Variants in MRE11 observed in about 807,000 individuals in gnomAD.
MRE11 encodes double-strand break repair protein MRE11.
In MRE11, 62 loss-of-function variants were observed where a neutral mutation model predicts 91.7. The ratio of observed to expected loss-of-function variants is 0.68; its 90% CI spans 0.55 to 0.84. The LOEUF (loss-of-function observed/expected upper bound fraction) is 0.84. Among genes scored for constraint, MRE11 ranks in the 40% least tolerant of loss-of-function variants. The probability of loss-of-function intolerance (pLI) is 0.00; values close to 1 mark genes in which losing one functional copy is unlikely to be tolerated. For missense variants in MRE11, 796 were observed against 852.9 expected (o/e 0.93, Z 0.83); for synonymous variants, 273 against 271.4 (o/e 1.01, Z -0.06).
chr11:94,461,137 G>T lies in MRE11; in HGVS notation c.1226-101C>A, dbSNP rs529126. The T allele has an allele frequency of 0.28, 259,761 of 919,524 alleles. 36,382 individuals are homozygous for T. Among genetic ancestry groups the T allele is most frequent in the African/African-American group, 0.36 (21,650 of 60,092 alleles). 57.0% of individuals were successfully genotyped at this position (919,524 alleles called of 1,614,324 possible). A position where few individuals can be genotyped will look rare whatever the true frequency, so the allele number is the denominator to read the frequency against. On this transcript the variant is annotated intron_variant, in intron 11 of 19. Transcript: ENST00000323929. ...GTGGAGAAGGTAAGGCCAAACTTTA[G>T]CAACTGCCAGCTTGCTCAACATGGT...
At position 94,493,800 on chromosome 11, in the gene MRE11, C is replaced by T. The variant is rs1327306422; in HGVS notation, c.-115G>A. On this transcript the variant is annotated 5_prime_UTR_variant, in exon 1 of 20. Coordinates refer to ENST00000323929, the MANE Select transcript of MRE11 (RefSeq NM_005591.4). ...CACGGTCTGAACTTGCCTCTGAGAA[C>T]CCGCAGGGCCGTAAACCTGAATTCC... 6.6e-6 allele frequency: 1 copy of T among 152,250 alleles called. No individual in the cohort carries two copies. Among genetic ancestry groups the T allele is most frequent in the Admixed American group, 6.5e-5 (1 of 15,290 alleles). The allele number at this position is 152,250 out of a possible 1,614,324, so 9.4% of individuals were successfully genotyped here. A position where few individuals can be genotyped will look rare whatever the true frequency, so the allele number is the denominator to read the frequency against.
chr11:94,447,302 T>G lies in MRE11; in HGVS notation c.1700A>C (p.Asn567Thr). 2 of 1,614,088 alleles carry G rather than the reference T, an allele frequency of 1.2e-6. No homozygotes were observed. Among genetic ancestry groups the G allele is most frequent in the South Asian group, 2.2e-5 (2 of 91,078 alleles). Residue 567 changes from asparagine (N) to threonine (T), a missense_variant, in exon 15 of 20, where the codon AAC becomes ACC. Transcript: ENST00000323929. ...DSDDSISAAT[N>T]KGRGRGRGRR... ...ACCTCTTCCTCGGCCTCTTCCTTTG[T>G]TGGTTGCTGCTGAGATGCTATCATC...
At chr11:94,499,022 T>C in the MRE11 span, 2 of 154,974 alleles carry the variant, frequency 1.3e-5, no homozygotes, top group South Asian at 2.0e-4. Context: ...AAGTAACATA[T>C]TAGTGACTTG....
intron 18 of MRE11, 151 bp downstream of exon 18, chr11:94,435,681 C>T (rs1945586894): frequency 3.0e-6 from 2 of 668,170 alleles, no homozygotes; most frequent in Admixed American, 4.7e-5. Flanking sequence ...TATAAACTAG[C>T]CCTTGGTCTG....
chr11:94,467,827 G>A lies in MRE11; in HGVS notation c.1084C>T (p.Leu362Phe). 1 of 1,612,996 alleles carries A rather than the reference G, an allele frequency of 6.2e-7. No homozygotes were observed. Among genetic ancestry groups the A allele is most frequent in the Non-Finnish European group, 8.5e-7 (1 of 1,179,238 alleles). Residue 362 changes from leucine (L) to phenylalanine (F), a missense_variant, in exon 10 of 20, where the codon CTT (leucine) becomes TTT (phenylalanine). Leu to Phe is a conservative substitution (Grantham distance 22). Transcript: ENST00000323929. Reference protein sequence around the residue: ...LGNSHQPEKPLVRLRVDYSGG... With the variant: ...LGNSHQPEKPFVRLRVDYSGG... ...ATAGGACTTACTCGCAGTCGTACAA[G>A]AGGCTTCTCTGGCTGGTGAGAATTA...
rs141681107 is a variant in MRE11, at chr11:94,427,739, A to C, written c.2070+2172T>G. Among the ~76,000 whole-genome samples the C allele has an allele frequency of 2.9e-3, 448 of 152,274 alleles. 4 individuals are homozygous for C. Among genetic ancestry groups the C allele is most frequent in the African/African-American group, 0.01 (426 of 41,558 alleles). ...ACAAAAGTCAGTAGCATTTCTATAC[A>C]CCAATAACGTTCAAGCTGAGAGTCA... On this transcript the variant is annotated intron_variant, in intron 19 of 19. Transcript: ENST00000323929.
At chr11:94,431,842 GCAGA>G (rs1269255820) in intron 18 of MRE11, among the ~76,000 whole-genome samples, 9 of 152,120 alleles carry the variant, frequency 5.9e-5, no homozygotes, top group Admixed American at 5.2e-4. Flanking sequence ...AAAGAAATCG[GCAGA>G]CATTTATACA....
At chr11:94,502,993 A>G in the MRE11 span, among the ~76,000 whole-genome samples, 2 of 152,234 alleles carry the variant, frequency 1.3e-5, no homozygotes, top group African/African-American at 4.8e-5. Context: ...TATTAATTAT[A>G]TTCCCCTTCC....
upstream of MRE11, chr11:94,497,151 TA>T (rs1381164830): frequency 1.5e-6 from 1 of 649,398 alleles, no homozygotes; most frequent in Non-Finnish European, 2.6e-6. Context: ...TAATTATCTA[TA>T]AAGATAGCAA....
chr11:94,452,850 T>C (rs1293731768), intron 14 of MRE11, among the ~76,000 whole-genome samples: 1 of 152,198 alleles, frequency 6.6e-6, no homozygotes, highest in Non-Finnish European at 1.5e-5. Flanking sequence ...AACATAAACT[T>C]ACTCTTTTTA....
chr11:94,421,055 T>C (rs918575942), intron 19 of MRE11, among the ~76,000 whole-genome samples: 1 of 151,728 alleles, frequency 6.6e-6, no homozygotes, highest in African/African-American at 2.4e-5. Flanking sequence ...AGAGTTCCCA[T>C]GCTATTGGGC....
At chr11:94,437,474 T>C (rs1362190553) in intron 16 of MRE11, among the ~76,000 whole-genome samples, 1 of 152,208 alleles carries the variant, frequency 6.6e-6, no homozygotes, top group Non-Finnish European at 1.5e-5. Flanking sequence ...GTAGTGTTTA[T>C]AAATACACAC....
Position 94,435,917 on chromosome 11 carries a change from C to T in MRE11, c.1927-18G>A, listed in dbSNP as rs1291866167. On this transcript the variant is annotated intron_variant, in intron 17 of 19. Coordinates refer to ENST00000323929, the MANE Select transcript of MRE11 (RefSeq NM_005591.4). ...TCAATCACCTGGCAAGGAAACAAAG[C>T]AACAAACAGTTTTTGTGAGAATAGA... 2.2e-5 allele frequency: 35 copies of T among 1,608,628 alleles called. No homozygotes were observed. Among genetic ancestry groups the T allele is most frequent in the Non-Finnish European group, 1.2e-5 (14 of 1,175,642 alleles).
intron 2 of MRE11, among the ~76,000 whole-genome samples, chr11:94,491,314 C>T (rs938819287): frequency 1.3e-5 from 2 of 152,260 alleles, no homozygotes; most frequent in Non-Finnish European, 2.9e-5. Context: ...TATCTGACTT[C>T]GTACTCTTCC....
At position 94,417,634 on chromosome 11, in the gene MRE11, G is replaced by A. The variant is rs1945063525; in HGVS notation, c.*2491C>T. On this transcript the variant is annotated 3_prime_UTR_variant, in exon 20 of 20. Coordinates refer to ENST00000323929, the MANE Select transcript of MRE11 (RefSeq NM_005591.4). Reference sequence around the variant, plus strand: ...TACAGAAGTTAGGGCTTGTTACCCAGAAAGGAGAAAACAATATAATGGGCA... The same window carrying A: ...TACAGAAGTTAGGGCTTGTTACCCAAAAAGGAGAAAACAATATAATGGGCA... 1 of 232,960 alleles carries A rather than the reference G, an allele frequency of 4.3e-6. No individual in the cohort carries two copies. Among genetic ancestry groups the A allele is most frequent in the Non-Finnish European group, 8.5e-6 (1 of 117,944 alleles). 14.4% of individuals were successfully genotyped at this position (232,960 alleles called of 1,614,324 possible). A position where few individuals can be genotyped will look rare whatever the true frequency, so the allele number is the denominator to read the frequency against.
intron 10 of MRE11, 59 bp from the exon 11 acceptor site, chr11:94,464,298 C>G: frequency 6.2e-7 from 1 of 1,605,052 alleles, no homozygotes; most frequent in Non-Finnish European, 8.5e-7. Flanking sequence ...ATTTTTAAAA[C>G]ACACACTAAT....
intron 3 of MRE11, 111 bp from the exon 4 acceptor site, chr11:94,486,195 C>G (rs1232001695): frequency 5.9e-6 from 6 of 1,011,162 alleles, no homozygotes; most frequent in Non-Finnish European, 8.7e-6. Flanking sequence ...TTATATATGG[C>G]AACTTAAAAA....
chr11:94,511,157 C>T, the MRE11 span, among the ~76,000 whole-genome samples: 1 of 152,144 alleles, frequency 6.6e-6, no homozygotes, highest in Non-Finnish European at 1.5e-5. Flanking sequence ...TTCCACACAA[C>T]CTTTTAATTG....
the MRE11 span, among the ~76,000 whole-genome samples, chr11:94,499,827 C>T: frequency 2.0e-5 from 3 of 152,168 alleles, no homozygotes; most frequent in Non-Finnish European, 4.4e-5. Flanking sequence ...TCCACCAAGG[C>T]TTATCTCTTT....
Sources: gnomAD v4.1 joint callset for allele counts (sites outside exome capture counted in the v4.1 genomes callset) on GRCh38, gnomAD v4.1.1 for gene constraint, MANE v1.5 for transcripts, NCBI Gene and HGNC (gene_info 2026-07-23, HGNC 2026-07-21) for gene names.